IZUMO2: variants seen among roughly 807,000 people sequenced by gnomAD.
IZUMO2 encodes IZUMO family member 2.
Under a neutral mutation model 31.2 loss-of-function variants are expected in IZUMO2, and 24 were observed. That is an observed-to-expected ratio of 0.77 (90% CI 0.56 to 1.08). IZUMO2 has a LOEUF of 1.08. Among genes scored for constraint, IZUMO2 ranks in the 50% least tolerant of loss-of-function variants. The probability of loss-of-function intolerance (pLI) is 0.00; values close to 1 mark genes in which losing one functional copy is unlikely to be tolerated. For synonymous variants in IZUMO2, 144 were observed against 117.3 expected, an observed-to-expected ratio of 1.23 and a Z score of -1.47; for missense variants, 278 against 274.0, an observed-to-expected ratio of 1.01 and a Z score of -0.10.
chr19:50,154,663 G>A lies in IZUMO2; in HGVS notation c.560C>T (p.Ala187Val), dbSNP rs757719518. Residue 187 changes from alanine (A) to valine (V), a missense_variant, in exon 6 of 7, where the codon GCG (alanine) becomes GTG (valine). Ala to Val is a moderately conservative substitution (Grantham distance 64). Coordinates refer to ENST00000293405, the MANE Select transcript of IZUMO2 (RefSeq NM_152358.3). ...CACAGAAATGAGGATGCCCAACAGC[G>A]CCTGGTTCCTCGGGTATTTGCTGTC... Reference protein sequence around the residue: ...QMDSKYPRNQALLGILISVSL... With the variant: ...QMDSKYPRNQVLLGILISVSL... 7.4e-6 allele frequency: 12 copies of A among 1,613,928 alleles called. No homozygotes were observed. The African/African-American group carries it at 8.0e-5, about 11-fold the overall frequency.
chr19:50,159,679 A>G (rs913472614), intron 2 of IZUMO2, 99 bp from the exon 3 acceptor site: 1 of 738,430 alleles, frequency 1.4e-6, no homozygotes, highest in African/African-American at 1.8e-5. Context: ...GCTCCTCTTC[A>G]TTTATAAAGG....
intron 2 of IZUMO2, chr19:50,160,846 T>C (rs1033192086): frequency 1.3e-4 from 20 of 152,226 alleles, no homozygotes; most frequent in African/African-American, 4.8e-4. Context: ...TTCTATTGGA[T>C]GGTGCTGTTC....
At chr19:50,159,860 CTTTT>C (rs1195815480) in intron 2 of IZUMO2, 4 of 261,476 alleles carry the variant, frequency 1.5e-5, no homozygotes, top group Non-Finnish European at 2.9e-5. Flanking sequence ...TTTTTTTTTT[CTTTT>C]TGAGACGGAG....
Position 50,159,508 on chromosome 19 carries a change from G to A in IZUMO2, c.380C>T (p.Ser127Leu). ...VIKEFKKVLI[S>L]YELKACNPKL... is the part of the protein sequence containing the mutation. ...ATATGCTGCACCTTTTAATTCATATGAAATTAAAACTTTCTTGAATTCCTT... is the reference window on the plus strand; with the variant it reads ...ATATGCTGCACCTTTTAATTCATATAAAATTAAAACTTTCTTGAATTCCTT... The change falls in exon 3 of 7, where the codon TCA becomes TTA. Residue 127 changes from serine (S) to leucine (L), a missense_variant. Coordinates refer to ENST00000293405, the MANE Select transcript of IZUMO2 (RefSeq NM_152358.3). 1 of 1,609,910 alleles carries A rather than the reference G, an allele frequency of 6.2e-7. No individual in the cohort carries two copies. The highest frequency in any genetic ancestry group is 8.5e-7 in the Non-Finnish European group (1 of 1,176,268).
At chr19:50,162,680 G>T in intron 2 of IZUMO2, 59 bp downstream of exon 2, 1 of 1,360,078 alleles carries the variant, frequency 7.4e-7, no homozygotes, top group Non-Finnish European at 1.1e-6. Context: ...CAAGGGAGGT[G>T]GGGCAGACCG....
chr19:50,155,970 T>C (rs2123050576), intron 5 of IZUMO2, among the ~76,000 whole-genome samples: 1 of 152,306 alleles, frequency 6.6e-6, no homozygotes, highest in African/African-American at 2.4e-5. Flanking sequence ...CATGTGCTGT[T>C]CCCTCTGTCA....
chr19:50,156,561 A>G (rs2030217725), intron 5 of IZUMO2, among the ~76,000 whole-genome samples: 2 of 152,000 alleles, frequency 1.3e-5, no homozygotes, highest in African/African-American at 4.8e-5. Flanking sequence ...GACACTCTAT[A>G]GGACACACTC....
chr19:50,163,077 T>C lies in IZUMO2; in HGVS notation c.118A>G (p.Ile40Val). 6.2e-7 allele frequency: 1 copy of C among 1,613,268 alleles called. No individual in the cohort carries two copies. The highest frequency in any genetic ancestry group is 8.5e-7 in the Non-Finnish European group (1 of 1,179,536). The change falls in exon 1 of 7, where the codon ATC becomes GTC. Residue 40 changes from isoleucine to valine, a missense_variant. By Grantham distance (29) the Ile-to-Val change is conservative (BLOSUM62 3). Coordinates refer to ENST00000293405, the MANE Select transcript of IZUMO2 (RefSeq NM_152358.3). Reference protein sequence around the residue: ...EALGHLRSALIPSRFQLEQLQ... With the variant: ...EALGHLRSALVPSRFQLEQLQ... ...TGCTCCAACTGGAAGCGACTGGGGA[T>C]GAGGGCGGAGCGCAGGTGACCCAGG...
In IZUMO2 at chr19:50,154,648, AG is replaced by A. The variant is rs1568436974; in HGVS notation, c.574del (p.Leu192SerfsTer37). On this transcript the variant is annotated frameshift_variant, in exon 6 of 7. Coordinates refer to ENST00000293405, the MANE Select transcript of IZUMO2 (RefSeq NM_152358.3). LOFTEE classifies it high-confidence loss of function. Reference sequence around the variant, plus strand: ...AAAGACAGCCAGAGACACAGAAATGAGGATGCCCAACAGCGCCTGGTTCCTC... The same window carrying A: ...AAAGACAGCCAGAGACACAGAAATGAGATGCCCAACAGCGCCTGGTTCCTC... The part of the protein sequence containing the change: ...YPRNQALLGI[L>X]ISVSLAVFVF... The A allele has an allele frequency of 6.2e-7, 1 of 1,613,992 alleles. No homozygotes were observed. Among genetic ancestry groups the A allele is most frequent in the East Asian group, 2.2e-5 (1 of 44,848 alleles).
At chr19:50,154,976 C>T (rs994178581) in intron 5 of IZUMO2, among the ~76,000 whole-genome samples, 5 of 152,200 alleles carry the variant, frequency 3.3e-5, no homozygotes, top group Admixed American at 1.3e-4. Context: ...GCAAACTGGA[C>T]TCATGGAGTT....
chr19:50,155,104 CAA>C (rs2030170529), intron 5 of IZUMO2, among the ~76,000 whole-genome samples: 1 of 152,032 alleles, frequency 6.6e-6, no homozygotes, highest in Non-Finnish European at 1.5e-5. Flanking sequence ...GACTCAAAAC[CAA>C]AAGATACGAT....
At chr19:50,159,388 G>T in intron 3 of IZUMO2, 106 bp downstream of exon 3, 1 of 1,229,552 alleles carries the variant, frequency 8.1e-7, no homozygotes, top group Non-Finnish European at 1.2e-6. Flanking sequence ...GAAGAAGGCT[G>T]AGCTATAGGG....
In IZUMO2 at chr19:50,159,585, G is replaced by A. The variant is rs201019687; in HGVS notation, c.308-5C>T. 2.6e-4 allele frequency: 416 copies of A among 1,604,250 alleles called. No individual in the cohort carries two copies. Among genetic ancestry groups the A allele is most frequent in the Non-Finnish European group, 3.5e-4 (405 of 1,171,132 alleles). On this transcript the variant is annotated splice_polypyrimidine_tract_variant and splice_region_variant and intron_variant, in intron 2 of 6. Transcript: ENST00000293405. ...GCTCTTCCAGCAGAGGCTCATCTGA[G>A]GAGAGAAAGAGATCTCTGTGGGGTG... is the stretch of plus-strand genomic sequence containing the variant.
At chr19:50,152,696 G>A (rs756463800) in intron 6 of IZUMO2, 45 bp from the exon 7 acceptor site, 1 of 1,524,446 alleles carries the variant, frequency 6.6e-7, no homozygotes, top group Admixed American at 1.7e-5. Context: ...AGAATTTCAA[G>A]CTTTTCCAGA....
chr19:50,162,269 C>T (rs770360304), intron 2 of IZUMO2, among the ~76,000 whole-genome samples: 7 of 150,964 alleles, frequency 4.6e-5, no homozygotes, highest in South Asian at 2.1e-4. Context: ...GGTGACAGGG[C>T]GAGACCGTCT....
At chr19:50,161,481 T>C (rs1233448966) in intron 2 of IZUMO2, among the ~76,000 whole-genome samples, 2 of 152,188 alleles carry the variant, frequency 1.3e-5, no homozygotes, top group African/African-American at 2.4e-5. Flanking sequence ...CAACAAATCC[T>C]GTTTGTTCAA....
At chr19:50,159,421 GA>G in intron 3 of IZUMO2, 72 bp downstream of exon 3, 1 of 1,298,366 alleles carries the variant, frequency 7.7e-7, no homozygotes, top group Non-Finnish European at 1.1e-6. Context: ...GAGTTTGGGA[GA>G]AAAAGTGGTA....
At chr19:50,162,053 C>A (rs931558053) in intron 2 of IZUMO2, among the ~76,000 whole-genome samples, 10 of 152,142 alleles carry the variant, frequency 6.6e-5, no homozygotes, top group South Asian at 2.1e-4. Flanking sequence ...GAGGCCTAGG[C>A]GGGCAGATCA....
intron 4 of IZUMO2, 31 bp from the exon 5 acceptor site, chr19:50,158,379 A>G: frequency 6.9e-7 from 1 of 1,455,422 alleles, no homozygotes; most frequent in Non-Finnish European, 9.6e-7. Flanking sequence ...AAGTAAGACA[A>G]GGGCAGATAT....
Sources: gnomAD v4.1 joint callset for allele counts (sites outside exome capture counted in the v4.1 genomes callset) on GRCh38, gnomAD v4.1.1 for gene constraint, MANE v1.5 for transcripts, NCBI Gene and HGNC (gene_info 2026-07-23, HGNC 2026-07-21) for gene names.